NIM1K: variants seen among roughly 807,000 people sequenced by gnomAD.
The protein encoded by NIM1K is serine/threonine-protein kinase NIM1.
In NIM1K, 35 loss-of-function variants were observed where a neutral mutation model predicts 37.1. That is an observed-to-expected ratio of 0.94 (90% CI 0.72 to 1.25). The LOEUF (loss-of-function observed/expected upper bound fraction) is 1.25. NIM1K is among the 50% of genes most tolerant of loss of function. NIM1K has a pLI of 0.00. For missense variants in NIM1K, 564 were observed against 548.0 expected (o/e 1.03, Z -0.29); for synonymous variants, 234 against 206.6 (o/e 1.13, Z -1.14).
intron 1 of NIM1K, among the ~76,000 whole-genome samples, chr5:43,224,758 G>T (rs1256646227): frequency 6.7e-6 from 1 of 150,340 alleles, no homozygotes; most frequent in Non-Finnish European, 1.5e-5. Flanking sequence ...GGGCAGTGGC[G>T]CGATCTCGGC....
At position 43,245,836 on chromosome 5, in the gene NIM1K, C is replaced by A. The variant is rs55664335; in HGVS notation, c.61C>A (p.Arg21=). 6.2e-7 allele frequency: 1 copy of A among 1,613,466 alleles called. No homozygotes were observed. The highest frequency in any genetic ancestry group is 1.3e-5 in the African/African-American group (1 of 74,862). ...LVNPHYARWD[R]RDSVESGCQT... ...GAACCCCCACTATGCCCGGTGGGAT[C>A]GGCGCGACAGTGTAGAAAGTGGCTG... Residue 21 remains arginine, a synonymous_variant, in exon 2 of 4, where the codon CGG becomes AGG. Coordinates refer to ENST00000326035, the MANE Select transcript of NIM1K (RefSeq NM_153361.4).
chr5:43,239,049 T>C (rs1234859647), intron 1 of NIM1K, among the ~76,000 whole-genome samples: 1 of 151,674 alleles, frequency 6.6e-6, no homozygotes, highest in Non-Finnish European at 1.5e-5. Context: ...AGGTACTTGG[T>C]ATCTTATAGT....
intron 1 of NIM1K, among the ~76,000 whole-genome samples, chr5:43,234,608 C>T (rs529342009): frequency 1.3e-5 from 2 of 151,874 alleles, no homozygotes; most frequent in East Asian, 1.9e-4. Context: ...GGCCAACATG[C>T]GGATGGGGAC....
At chr5:43,226,392 CT>C (rs2112236980) in intron 1 of NIM1K, among the ~76,000 whole-genome samples, 2 of 152,240 alleles carry the variant, frequency 1.3e-5, no homozygotes, top group African/African-American at 4.8e-5. Context: ...TGGTAAATGA[CT>C]GTGTTCTGGA....
chr5:43,206,661 C>A (rs550132255), intron 1 of NIM1K: 6 of 686,832 alleles, frequency 8.7e-6, no homozygotes, highest in East Asian at 8.4e-5. Flanking sequence ...CTCGGCCCCC[C>A]AGTCTCCCAA....
chr5:43,230,634 A>G (rs965914497), intron 1 of NIM1K, among the ~76,000 whole-genome samples: 7 of 152,248 alleles, frequency 4.6e-5, no homozygotes, highest in Admixed American at 1.3e-4. Flanking sequence ...GGCCAATTCA[A>G]TCACAATATT....
intron 1 of NIM1K, among the ~76,000 whole-genome samples, chr5:43,220,140 C>T (rs1429700162): frequency 6.6e-6 from 1 of 152,122 alleles, no homozygotes; most frequent in African/African-American, 2.4e-5. Context: ...AAACAATTGC[C>T]TAATCCAAGG....
At chr5:43,203,636 T>C (rs921572896) in intron 1 of NIM1K, among the ~76,000 whole-genome samples, 1 of 152,182 alleles carries the variant, frequency 6.6e-6, no homozygotes, top group Non-Finnish European at 1.5e-5. Flanking sequence ...GGCTAAGGTT[T>C]TTCTTTTAAC....
In NIM1K at chr5:43,280,680, G is replaced by A. The variant is rs767829906; in HGVS notation, c.1262G>A (p.Arg421His). ...GAAAGAGACCTCAAAAAAGGGTCCCGTGTCTACAGAGGGATAAGACACACA... is the reference window on the plus strand; with the variant it reads ...GAAAGAGACCTCAAAAAAGGGTCCCATGTCTACAGAGGGATAAGACACACA... ...PKERDLKKGS[R>H]VYRGIRHTSK... The change falls in exon 4 of 4, where the codon CGT becomes CAT. Residue 421 changes from arginine (R) to histidine (H), a missense_variant. Transcript: ENST00000326035. The A allele has an allele frequency of 2.5e-6, 4 of 1,613,018 alleles. No individual in the cohort carries two copies. Among genetic ancestry groups the A allele is most frequent in the African/African-American group, 1.3e-5 (1 of 74,788 alleles).
At chr5:43,266,756 C>A (rs141693650) in intron 2 of NIM1K, among the ~76,000 whole-genome samples, 3 of 152,202 alleles carry the variant, frequency 2.0e-5, no homozygotes, top group African/African-American at 7.2e-5. Context: ...AACCTCCCCC[C>A]TGACTTGCGT....
chr5:43,280,112 G>C lies in NIM1K; in HGVS notation c.694G>C (p.Gly232Arg), dbSNP rs1165803186. The change falls in exon 4 of 4, where the codon GGG (glycine) becomes CGG (arginine). Residue 232 changes from glycine (G) to arginine (R), a missense_variant. By Grantham distance (125) the Gly-to-Arg change is moderately radical (BLOSUM62 -2). Transcript: ENST00000326035. ...KKGEMLNTFC[G>R]SPPYAAPELF... is the part of the protein sequence containing the mutation. Reference sequence around the variant, plus strand: ...AGGTGAAATGCTGAACACTTTCTGTGGGTCTCCTCCCTACGCTGCGCCTGA... The same window carrying C: ...AGGTGAAATGCTGAACACTTTCTGTCGGTCTCCTCCCTACGCTGCGCCTGA... 6 of 1,614,054 alleles carry C rather than the reference G, an allele frequency of 3.7e-6. No homozygotes were observed. In the East Asian group the frequency reaches 1.1e-4, roughly 30 times the overall value.
In NIM1K at chr5:43,280,313, C is replaced by CA. The variant is rs1753420301; in HGVS notation, c.896dup (p.His299GlnfsTer24). 1 of 1,614,056 alleles carries CA rather than the reference C, an allele frequency of 6.2e-7. No individual in the cohort carries two copies. The highest frequency in any genetic ancestry group is 8.5e-7 in the Non-Finnish European group (1 of 1,180,052). ...ACCGCCGCACGTGTCAGAGCCCTGC[C>CA]ACCGACTCATCCGAGGAGTCCTTCA... On this transcript the variant is annotated frameshift_variant, in exon 4 of 4. Transcript: ENST00000326035. LOFTEE classifies it high-confidence loss of function.
chr5:43,235,625 G>C (rs528863895), intron 1 of NIM1K, among the ~76,000 whole-genome samples: 1 of 152,172 alleles, frequency 6.6e-6, no homozygotes, highest in Non-Finnish European at 1.5e-5. Flanking sequence ...TCTGAGGTTA[G>C]AGTCATAAGG....
intron 1 of NIM1K, among the ~76,000 whole-genome samples, chr5:43,213,439 C>T (rs1316476018): frequency 1.3e-5 from 2 of 151,778 alleles, no homozygotes; most frequent in African/African-American, 4.8e-5. Flanking sequence ...AAGTGATTCT[C>T]GTGCCTCAGC....
intron 3 of NIM1K, 78 bp from the exon 4 acceptor site, chr5:43,279,900 ACT>A: frequency 2.7e-6 from 3 of 1,131,624 alleles, no homozygotes; most frequent in Non-Finnish European, 3.9e-6. Context: ...TCATTATCTC[ACT>A]GTTTCAGAGC....
intron 1 of NIM1K, among the ~76,000 whole-genome samples, chr5:43,229,295 G>A (rs1752503445): frequency 7.0e-6 from 1 of 142,752 alleles, no homozygotes; most frequent in South Asian, 2.3e-4. Flanking sequence ...TGAGGCAGGA[G>A]AATCGCTTGA....
intron 2 of NIM1K, among the ~76,000 whole-genome samples, chr5:43,269,731 G>A (rs1052028800): frequency 5.3e-5 from 8 of 151,856 alleles, no homozygotes; most frequent in Non-Finnish European, 1.0e-4. Context: ...CCATTCTCCT[G>A]CCTCAGCCTC....
chr5:43,261,637 G>A (rs928908785), intron 2 of NIM1K, among the ~76,000 whole-genome samples: 1 of 151,880 alleles, frequency 6.6e-6, no homozygotes, highest in Non-Finnish European at 1.5e-5. Flanking sequence ...GTCAATTTTG[G>A]CTTTTGTTGC....
At chr5:43,241,386 G>T (rs1036623073) in intron 1 of NIM1K, among the ~76,000 whole-genome samples, 2 of 148,742 alleles carry the variant, frequency 1.3e-5, no homozygotes, top group African/African-American at 5.0e-5. Flanking sequence ...CTGGAGTGCA[G>T]TTGTGCTATC....
Sources: allele counts gnomAD v4.1 joint callset (sites outside exome capture counted in the v4.1 genomes callset), GRCh38; gene constraint gnomAD v4.1.1; transcripts MANE v1.5; gene names NCBI Gene and HGNC (gene_info 2026-07-23, HGNC 2026-07-21).